SMG6: variants seen among roughly 807,000 people sequenced by gnomAD.
SMG6 encodes SMG6 nonsense mediated mRNA decay factor.
A neutral mutation model predicts 142.2 loss-of-function variants in SMG6; 66 were observed. That is an observed-to-expected ratio of 0.46 (90% CI 0.38 to 0.57). The LOEUF (loss-of-function observed/expected upper bound fraction) is 0.57, where lower values mean the gene tolerates loss of function less well. SMG6 is among the 20% of genes least tolerant of loss of function. The pLI is 0.00. For synonymous variants in SMG6, 779 were observed against 702.4 expected, an observed-to-expected ratio of 1.11 and a Z score of -1.72; for missense variants, 1,793 against 1,832.0, an observed-to-expected ratio of 0.98 and a Z score of 0.39.
chr17:2,252,327 G>C (rs892237835), intron 8 of SMG6, among the ~76,000 whole-genome samples: 5 of 151,872 alleles, frequency 3.3e-5, no homozygotes, highest in Admixed American at 3.3e-4. Context: ...TTGAACCTGG[G>C]AGGTGGAGAC....
At chr17:2,284,101 A>C (rs188804474) in intron 6 of SMG6, among the ~76,000 whole-genome samples, 1 of 152,212 alleles carries the variant, frequency 6.6e-6, no homozygotes, top group Non-Finnish European at 1.5e-5. Flanking sequence ...GCTATAATGA[A>C]ATCACGAAAT....
intron 8 of SMG6, among the ~76,000 whole-genome samples, chr17:2,278,164 T>G (rs2074703330): frequency 6.6e-6 from 1 of 152,032 alleles, no homozygotes; most frequent in South Asian, 2.1e-4. Flanking sequence ...TAGTGATGTC[T>G]CCGAAGGAAA....
chr17:2,158,644 G>A (rs528214021), intron 13 of SMG6, among the ~76,000 whole-genome samples: 33 of 152,236 alleles, frequency 2.2e-4, no homozygotes, highest in Middle Eastern at 6.8e-3. Flanking sequence ...AAGGCTAAGC[G>A]CCGTGGCTCA....
chr17:2,081,313 T>C lies in SMG6; in HGVS notation c.3681+497A>G, dbSNP rs78858914. Among the ~76,000 whole-genome samples the C allele has an allele frequency of 4.4e-3, 669 of 152,178 alleles. 2 individuals carry two copies. Among genetic ancestry groups the C allele is most frequent in the Non-Finnish European group, 7.2e-3 (491 of 67,996 alleles). On this transcript the variant is annotated intron_variant, in intron 15 of 18. Coordinates refer to ENST00000263073, the MANE Select transcript of SMG6 (RefSeq NM_017575.5). ...GCTGATGGGGGTCAAAGTCCCTGTG[T>C]GGAGATTAAGTAGTTTGTCTCTGCA...
intron 10 of SMG6, among the ~76,000 whole-genome samples, chr17:2,234,227 C>T (rs997281107): frequency 3.3e-5 from 5 of 152,030 alleles, no homozygotes; most frequent in South Asian, 2.1e-4. Flanking sequence ...CTTCCTTTTA[C>T]CTGTATTTTC....
chr17:2,226,658 G>A (rs554768816), intron 10 of SMG6, among the ~76,000 whole-genome samples: 9 of 151,898 alleles, frequency 5.9e-5, no homozygotes, highest in Admixed American at 3.9e-4. Flanking sequence ...ACTTTGGGAG[G>A]CCAAGGCGGG....
intron 8 of SMG6, among the ~76,000 whole-genome samples, chr17:2,247,777 T>C (rs761331968): frequency 2.0e-5 from 3 of 150,986 alleles, no homozygotes; most frequent in Non-Finnish European, 2.9e-5. Flanking sequence ...AATGAAACTG[T>C]CTCAGAGAAA....
At chr17:2,210,045 GGA>G (rs879810677) in intron 10 of SMG6, among the ~76,000 whole-genome samples, 5 of 152,100 alleles carry the variant, frequency 3.3e-5, no homozygotes, top group Admixed American at 6.6e-5. Context: ...TACTTGGTGG[GGA>G]GAGAGAGGGG....
chr17:2,141,040 G>T (rs1353061931), intron 13 of SMG6, among the ~76,000 whole-genome samples: 1 of 152,186 alleles, frequency 6.6e-6, no homozygotes, highest in East Asian at 1.9e-4. Flanking sequence ...GAATGATCTA[G>T]AATTGCAGTG....
chr17:2,264,344 T>G (rs981291436), intron 8 of SMG6, among the ~76,000 whole-genome samples: 7 of 152,260 alleles, frequency 4.6e-5, no homozygotes, highest in Non-Finnish European at 1.0e-4. Context: ...GCCAGAGTTC[T>G]GGCTTAAGTC....
intron 13 of SMG6, among the ~76,000 whole-genome samples, chr17:2,114,959 T>TAAAATAA: frequency 1.4e-5 from 1 of 73,240 alleles, no homozygotes; most frequent in African/African-American, 6.8e-5. Flanking sequence ...AATAAAAAAA[T>TAAAATAA]GAAATGAAAT....
intron 9 of SMG6, 128 bp from the exon 10 acceptor site, chr17:2,236,765 G>GC: frequency 7.4e-7 from 1 of 1,354,878 alleles, no homozygotes. Flanking sequence ...GACAACTACT[G>GC]CCTAGGACAT....
chr17:2,273,455 T>G (rs996357087), intron 8 of SMG6, among the ~76,000 whole-genome samples: 3 of 151,848 alleles, frequency 2.0e-5, no homozygotes, highest in African/African-American at 7.3e-5. Flanking sequence ...GGTCAGGAGA[T>G]TGAGGCCAGC....
chr17:2,294,740 C>T (rs1030641950), intron 4 of SMG6, among the ~76,000 whole-genome samples: 5 of 152,178 alleles, frequency 3.3e-5, no homozygotes, highest in African/African-American at 1.2e-4. Flanking sequence ...ACTCCATCAG[C>T]AATTACTCAT....
At chr17:2,184,242 A>T (rs1443668762) in intron 12 of SMG6, among the ~76,000 whole-genome samples, 1 of 152,128 alleles carries the variant, frequency 6.6e-6, no homozygotes, top group East Asian at 1.9e-4. Context: ...TCATACCTGT[A>T]ATCCCAGCCA....
At chr17:2,191,599 G>T (rs763508729) in intron 10 of SMG6, among the ~76,000 whole-genome samples, 1 of 152,140 alleles carries the variant, frequency 6.6e-6, no homozygotes, top group Admixed American at 6.5e-5. Context: ...AAGGGTTTCG[G>T]GTAAGGGTTT....
At chr17:2,081,982 C>T in intron 14 of SMG6, 26 bp from the exon 15 acceptor site, 1 of 1,613,486 alleles carries the variant, frequency 6.2e-7, no homozygotes, top group African/African-American at 1.3e-5. Flanking sequence ...CCGACCAGGA[C>T]AAAGAGGAGA....
chr17:2,070,648 G>A (rs999543661), intron 15 of SMG6, among the ~76,000 whole-genome samples: 3 of 152,202 alleles, frequency 2.0e-5, no homozygotes, highest in African/African-American at 7.2e-5. Context: ...CTCCCTATGA[G>A]TAAGTTGTTG....
intron 13 of SMG6, among the ~76,000 whole-genome samples, chr17:2,154,211 A>G (rs1406129110): frequency 6.8e-6 from 1 of 147,374 alleles, no homozygotes; most frequent in East Asian, 2.0e-4. Context: ...GGATGCACGC[A>G]GAGTGTGACG....
Sources: allele counts gnomAD v4.1 joint callset (sites outside exome capture counted in the v4.1 genomes callset), GRCh38; gene constraint gnomAD v4.1.1; transcripts MANE v1.5; gene names NCBI Gene and HGNC (gene_info 2026-07-23, HGNC 2026-07-21).